The following FAM83B variants were observed in gnomAD, a reference collection of about 807,000 sequenced individuals.
FAM83B encodes the protein protein FAM83B.
A neutral mutation model predicts 38.8 loss-of-function variants in FAM83B; 26 were observed. The ratio of observed to expected loss-of-function variants is 0.67; its 90% CI spans 0.49 to 0.93. The LOEUF (loss-of-function observed/expected upper bound fraction) is 0.93. Among genes scored for constraint, FAM83B ranks in the 40% least tolerant of loss-of-function variants. FAM83B has a pLI of 0.00. For synonymous variants in FAM83B, 419 were observed against 423.1 expected, an observed-to-expected ratio of 0.99 and a Z score of 0.12; for missense variants, 1,237 against 1,197.3, an observed-to-expected ratio of 1.03 and a Z score of -0.49.
chr6:54,907,389 TA>T (rs996285145), intron 2 of FAM83B, among the ~76,000 whole-genome samples: 1 of 99,636 alleles, frequency 1.0e-5, no homozygotes, highest in East Asian at 4.2e-4. Flanking sequence ...GTGGCTAAAA[TA>T]AAAAAAGTTA....
At chr6:54,928,944 CA>C (rs945755136) in intron 4 of FAM83B, among the ~76,000 whole-genome samples, 2 of 151,870 alleles carry the variant, frequency 1.3e-5, no homozygotes, top group African/African-American at 2.4e-5. Flanking sequence ...ACAGCAGTGA[CA>C]AAAAAATTAT....
Position 54,943,835 on chromosome 6 carries a change from G to A in FAM83B, c.*1828G>A, listed in dbSNP as rs1773752928. 1 of 152,158 alleles carries A rather than the reference G, an allele frequency of 6.6e-6. No homozygotes were observed. Among genetic ancestry groups the A allele is most frequent in the Non-Finnish European group, 1.5e-5 (1 of 68,030 alleles). The allele number at this position is 152,158 out of a possible 1,614,324, so 9.4% of individuals were successfully genotyped here. ...CTTTAAAACTGAAATTATATAAAGAGTAGAAGTTTAATCATGTTTAATTAC... is the reference window on the plus strand; with the variant it reads ...CTTTAAAACTGAAATTATATAAAGAATAGAAGTTTAATCATGTTTAATTAC... On this transcript the variant is annotated 3_prime_UTR_variant, in exon 5 of 5. Transcript: ENST00000306858.
chr6:54,878,846 GC>G (rs60445023), intron 2 of FAM83B, among the ~76,000 whole-genome samples: 56,095 of 152,010 alleles, frequency 0.37, 12,609 homozygotes, highest in Non-Finnish European at 0.51. Context: ...CTAAGAATGA[GC>G]ATATCAGATA....
At chr6:54,875,493 A>C (rs1581893442) in intron 2 of FAM83B, among the ~76,000 whole-genome samples, 1 of 152,206 alleles carries the variant, frequency 6.6e-6, no homozygotes, top group East Asian at 1.9e-4. Flanking sequence ...TCTTGGAAAT[A>C]ATATTTTGCT....
chr6:54,857,783 G>A (rs1581880685), intron 1 of FAM83B, among the ~76,000 whole-genome samples: 1 of 152,310 alleles, frequency 6.6e-6, no homozygotes, highest in Non-Finnish European at 1.5e-5. Flanking sequence ...AGTGTTATAA[G>A]TTAGAGCAGG....
At chr6:54,921,251 A>G (rs12175211) in intron 2 of FAM83B, among the ~76,000 whole-genome samples, 3,509 of 151,900 alleles carry the variant, frequency 0.023, 60 homozygotes, top group Middle Eastern at 0.062. Context: ...ATTCCCGTGT[A>G]TTACTTAACA....
rs1773722658 is a variant in FAM83B at position 54,942,269 on chromosome 6, G to T, written c.*262G>T. On this transcript the variant is annotated 3_prime_UTR_variant, in exon 5 of 5. Transcript: ENST00000306858. Reference sequence around the variant, plus strand: ...TTTAAATCATTTTCTTTAGACTGAAGATTTTAAGTCTCACTTAGAAATTTT... The same window carrying T: ...TTTAAATCATTTTCTTTAGACTGAATATTTTAAGTCTCACTTAGAAATTTT... Among the ~76,000 whole-genome samples the T allele has an allele frequency of 6.6e-6, 1 of 152,172 alleles. No homozygotes were observed. The highest frequency in any genetic ancestry group is 2.4e-5 in the African/African-American group (1 of 41,448).
intron 2 of FAM83B, among the ~76,000 whole-genome samples, chr6:54,886,405 A>G (rs558698985): frequency 7.9e-5 from 12 of 152,088 alleles, no homozygotes; most frequent in Non-Finnish European, 1.6e-4. Context: ...ATTTGTGCTT[A>G]AAGTCTTTTT....
chr6:54,884,217 G>A (rs527864603), intron 2 of FAM83B, among the ~76,000 whole-genome samples: 7 of 149,356 alleles, frequency 4.7e-5, no homozygotes, highest in South Asian at 2.1e-4. Context: ...CAGGAGACTC[G>A]CTTGAATCTA....
chr6:54,870,129 A>C, intron 1 of FAM83B, 58 bp from the exon 2 acceptor site: 15 of 759,940 alleles, frequency 2.0e-5, no homozygotes, highest in Non-Finnish European at 2.8e-5. Context: ...TATGTATCAT[A>C]AAACATTCTG....
At chr6:54,927,422 A>T in intron 3 of FAM83B, 86 bp from the exon 4 acceptor site, 2 of 1,115,880 alleles carry the variant, frequency 1.8e-6, no homozygotes, top group Non-Finnish European at 1.2e-6. Flanking sequence ...TTTTTATATT[A>T]AGATTCTATC....
intron 2 of FAM83B, among the ~76,000 whole-genome samples, chr6:54,916,916 G>A (rs751196733): frequency 2.0e-5 from 3 of 152,016 alleles, no homozygotes; most frequent in Non-Finnish European, 4.4e-5. Flanking sequence ...CTCTGCTAAG[G>A]GACTTTGAAT....
chr6:54,872,555 C>T (rs1412689640), intron 2 of FAM83B, among the ~76,000 whole-genome samples: 2 of 152,136 alleles, frequency 1.3e-5, no homozygotes, highest in African/African-American at 2.4e-5. Context: ...TGCGTGATAG[C>T]TAGTTTCCTT....
At chr6:54,878,888 G>T (rs571046627) in intron 2 of FAM83B, among the ~76,000 whole-genome samples, 1 of 152,310 alleles carries the variant, frequency 6.6e-6, no homozygotes, top group South Asian at 2.1e-4. Context: ...TGGGGTGATG[G>T]TATCTTAGAT....
intron 1 of FAM83B, among the ~76,000 whole-genome samples, chr6:54,855,908 C>T (rs538244215): frequency 5.7e-4 from 87 of 152,232 alleles, no homozygotes; most frequent in African/African-American, 2.0e-3. Flanking sequence ...TCCATTGTCT[C>T]CCAAATAATT....
At position 54,864,247 on chromosome 6, in the gene FAM83B, A is replaced by G. The variant is rs181135542; in HGVS notation, c.-60-5940A>G. Among the ~76,000 whole-genome samples the G allele has an allele frequency of 3.3e-5, 5 of 152,342 alleles. No individual in the cohort carries two copies. The East Asian group carries it at 7.7e-4, about 24-fold the overall frequency. ...AAACAAACCCTGGAATCATATTGGT[A>G]TGAAAGTGATATTGCTATCCCCTCC... On this transcript the variant is annotated intron_variant, in intron 1 of 4. Transcript: ENST00000306858.
intron 1 of FAM83B, among the ~76,000 whole-genome samples, chr6:54,854,948 A>G (rs771172983): frequency 1.3e-5 from 2 of 152,160 alleles, no homozygotes; most frequent in African/African-American, 2.4e-5. Context: ...CACGTGTGCA[A>G]TGGTCATCTG....
In FAM83B at chr6:54,941,938, T is replaced by A. The variant is rs773600444; in HGVS notation, c.2967T>A (p.Tyr989Ter). The change falls in exon 5 of 5, where the codon TAT (tyrosine) becomes TAA (stop). Residue 989 changes from tyrosine (Y) to a stop codon, truncating the protein, a stop_gained. Transcript: ENST00000306858. LOFTEE classifies it high-confidence loss of function. ...LNYNTGVYRS[Y>*]QPNENKFRGF... ...ACAACACTGGTGTTTATCGCTCATA[T>A]CAACCCAATGAGAACAAGTTTCGAG... 6.2e-7 allele frequency: 1 copy of A among 1,613,814 alleles called. No homozygotes were observed.
chr6:54,931,157 G>A (rs571537008), intron 4 of FAM83B, among the ~76,000 whole-genome samples: 4 of 152,120 alleles, frequency 2.6e-5, no homozygotes, highest in Non-Finnish European at 4.4e-5. Flanking sequence ...TTGCAAGTAA[G>A]ATACTTTGTG....
Sources: gnomAD v4.1 joint callset for allele counts (sites outside exome capture counted in the v4.1 genomes callset) on GRCh38, gnomAD v4.1.1 for gene constraint, MANE v1.5 for transcripts, NCBI Gene and HGNC (gene_info 2026-07-23, HGNC 2026-07-21) for gene names.